Variants in PDCD10 observed in about 807,000 individuals in gnomAD.
PDCD10 encodes the protein programmed cell death 10, also known as programmed cell death protein 10.
In PDCD10, 4 loss-of-function variants were observed where a neutral mutation model predicts 29.2. The observed-to-expected ratio is 0.14, with a 90% CI of 0.07 to 0.31. The LOEUF (loss-of-function observed/expected upper bound fraction) is 0.31. Among genes scored for constraint, PDCD10 ranks in the 10% least tolerant of loss-of-function variants. The pLI, the probability that PDCD10 is intolerant of heterozygous loss-of-function variation, is 1.00. For synonymous variants in PDCD10, 70 were observed against 82.2 expected, an observed-to-expected ratio of 0.85 and a Z score of 0.80; for missense variants, 183 against 257.9, an observed-to-expected ratio of 0.71 and a Z score of 1.99.
intron 2 of PDCD10, among the ~76,000 whole-genome samples, chr3:167,722,146 G>T (rs1559975082): frequency 1.3e-5 from 2 of 152,200 alleles, no homozygotes; most frequent in East Asian, 3.9e-4. Flanking sequence ...GCAGAATATA[G>T]ACAGCAGCAG....
At chr3:167,709,006 G>A (rs1412653840) in intron 3 of PDCD10, among the ~76,000 whole-genome samples, 1 of 152,104 alleles carries the variant, frequency 6.6e-6, no homozygotes, top group Admixed American at 6.5e-5. Flanking sequence ...AGCTTACTAA[G>A]AAGAAGAGCA....
Position 167,696,000 on chromosome 3 carries a change from A to C in PDCD10, c.269-278T>G, listed in dbSNP as rs372688191. Reference sequence around the variant, plus strand: ...AAATCTTAAAAAAAAAAAACACACAAAAAAAAAACAGATTTAAAAGGGAGG... The same window carrying C: ...AAATCTTAAAAAAAAAAAACACACACAAAAAAAACAGATTTAAAAGGGAGG... On this transcript the variant is annotated intron_variant, in intron 5 of 8. Coordinates refer to ENST00000392750, the MANE Select transcript of PDCD10 (RefSeq NM_007217.4). 7.5e-3 allele frequency among the ~76,000 whole-genome samples: 535 copies of C among 71,716 alleles called. 4 individuals carry two copies. Among genetic ancestry groups the C allele is most frequent in the East Asian group, 0.022 (71 of 3,270 alleles). The allele number at this position is 71,716 out of a possible 152,430, so 47.0% of individuals were successfully genotyped here.
At chr3:167,696,028 T>C (rs1720775670) in intron 5 of PDCD10, among the ~76,000 whole-genome samples, 1 of 150,310 alleles carries the variant, frequency 6.7e-6, no homozygotes, top group African/African-American at 2.4e-5. Flanking sequence ...AAGGGAGGCT[T>C]AAGTTCAACC....
chr3:167,685,361 G>A (rs1240853001), intron 8 of PDCD10, among the ~76,000 whole-genome samples: 3 of 122,638 alleles, frequency 2.4e-5, no homozygotes, highest in Middle Eastern at 7.4e-3. Context: ...AGTGAGCCCA[G>A]ATCCAGCCTG....
At chr3:167,722,642 C>A (rs1226324768) in intron 2 of PDCD10, among the ~76,000 whole-genome samples, 1 of 152,146 alleles carries the variant, frequency 6.6e-6, no homozygotes, top group Admixed American at 6.6e-5. Flanking sequence ...TTTCAAGAAT[C>A]TCGGTATAAA....
intron 2 of PDCD10, among the ~76,000 whole-genome samples, chr3:167,729,398 T>C (rs1724556257): frequency 6.6e-6 from 1 of 152,192 alleles, no homozygotes; most frequent in Non-Finnish European, 1.5e-5. Context: ...CTCTTAATGC[T>C]AATTTCTCTC....
chr3:167,701,013 T>A (rs1402601043), intron 4 of PDCD10, among the ~76,000 whole-genome samples: 2 of 152,156 alleles, frequency 1.3e-5, no homozygotes, highest in African/African-American at 4.8e-5. Context: ...TCTGTGCAAA[T>A]GAAGTCTGGT....
chr3:167,712,607 G>C (rs900677473), intron 3 of PDCD10, among the ~76,000 whole-genome samples: 2 of 151,968 alleles, frequency 1.3e-5, no homozygotes, highest in Admixed American at 1.3e-4. Flanking sequence ...GCAGAGGTAA[G>C]TCCTTACTTA....
At chr3:167,686,228 T>C (rs1719614835) in intron 8 of PDCD10, among the ~76,000 whole-genome samples, 1 of 152,230 alleles carries the variant, frequency 6.6e-6, no homozygotes. Context: ...ACATTATACG[T>C]ATGCATGTAT....
At chr3:167,685,893 G>A (rs190183206) in intron 8 of PDCD10, among the ~76,000 whole-genome samples, 10 of 152,220 alleles carry the variant, frequency 6.6e-5, no homozygotes, top group African/African-American at 2.4e-4. Flanking sequence ...CACAAAACAA[G>A]TAATAAAATT....
At chr3:167,722,570 C>T (rs188268242) in intron 2 of PDCD10, among the ~76,000 whole-genome samples, 1 of 152,170 alleles carries the variant, frequency 6.6e-6, no homozygotes, top group Admixed American at 6.5e-5. Flanking sequence ...CTTCAAAGAG[C>T]GGAGTACTTA....
At chr3:167,687,810 CTT>C (rs1444822734) in intron 6 of PDCD10, 117 bp from the exon 7 acceptor site, 12 of 682,868 alleles carry the variant, frequency 1.8e-5, no homozygotes, top group Non-Finnish European at 2.9e-5. Context: ...ACAGTACACT[CTT>C]AATTATGTTA....
chr3:167,702,708 T>C (rs915098515), intron 4 of PDCD10, among the ~76,000 whole-genome samples: 14 of 152,192 alleles, frequency 9.2e-5, no homozygotes, highest in African/African-American at 3.4e-4. Context: ...GACCAATAAT[T>C]GGAATTATGA....
chr3:167,705,354 A>G (rs1419858540), intron 3 of PDCD10, among the ~76,000 whole-genome samples: 2 of 152,148 alleles, frequency 1.3e-5, no homozygotes, highest in Admixed American at 1.3e-4. Context: ...TCAATTGTAT[A>G]TATTTTTTAC....
At chr3:167,705,118 G>A (rs2108439146) in intron 3 of PDCD10, among the ~76,000 whole-genome samples, 1 of 152,054 alleles carries the variant, frequency 6.6e-6, no homozygotes, top group South Asian at 2.1e-4. Flanking sequence ...CAACCCATAT[G>A]CTTTTAATTT....
rs1361555436 is a variant in PDCD10, at chr3:167,684,258, G to A, written c.*50C>T. On this transcript the variant is annotated 3_prime_UTR_variant, in exon 9 of 9. Coordinates refer to ENST00000392750, the MANE Select transcript of PDCD10 (RefSeq NM_007217.4). ...TCAAACTTTAAAATTTACAGATAAA[G>A]GCAGTTCAATACTGCCACTGAGAAG... 1.0e-6 allele frequency: 1 copy of A among 970,298 alleles called. No individual in the cohort carries two copies. Among genetic ancestry groups the A allele is most frequent in the Non-Finnish European group, 1.7e-6 (1 of 593,888 alleles). 60.1% of individuals were successfully genotyped at this position (970,298 alleles called of 1,614,324 possible).
chr3:167,704,808 C>T lies in PDCD10; in HGVS notation c.150+34G>A, dbSNP rs368281135. ...TACTTACATTTACAAAGAACATACA[C>T]TTTAATAATCATAGTAAATTATTTG... On this transcript the variant is annotated intron_variant, in intron 4 of 8. Transcript: ENST00000392750. 6.0e-5 allele frequency: 85 copies of T among 1,421,692 alleles called. No individual in the cohort carries two copies. In the African/African-American group the frequency reaches 1.1e-3, roughly 18 times the overall value. 88.1% of individuals were successfully genotyped at this position (1,421,692 alleles called of 1,614,324 possible). A position where few individuals can be genotyped will look rare whatever the true frequency, so the allele number is the denominator to read the frequency against.
intron 3 of PDCD10, among the ~76,000 whole-genome samples, chr3:167,706,759 T>G (rs1559962058): frequency 6.6e-6 from 1 of 152,222 alleles, no homozygotes. Context: ...ATTGATATAT[T>G]CATGGTGTCC....
intron 2 of PDCD10, among the ~76,000 whole-genome samples, chr3:167,721,113 G>A (rs2108486887): frequency 6.6e-6 from 1 of 152,184 alleles, no homozygotes; most frequent in Non-Finnish European, 1.5e-5. Flanking sequence ...TAATCATGAA[G>A]TGAATAACAG....
Sources: gnomAD v4.1 joint callset for allele counts (sites outside exome capture counted in the v4.1 genomes callset) on GRCh38, gnomAD v4.1.1 for gene constraint, MANE v1.5 for transcripts, NCBI Gene and HGNC (gene_info 2026-07-23, HGNC 2026-07-21) for gene names.